Variants in YWHAZ observed in about 807,000 individuals in gnomAD.
YWHAZ encodes tyrosine 3-monooxygenase/tryptophan 5-monooxygenase activation protein zeta.
For synonymous variants in YWHAZ, 87 were observed against 103.6 expected (o/e 0.84, Z 0.97); for missense variants, 79 against 284.8 (o/e 0.28, Z 5.20).
At chr8:100,928,677 G>A (rs112538120) in intron 2 of YWHAZ, among the ~76,000 whole-genome samples, 13 of 151,792 alleles carry the variant, frequency 8.6e-5, no homozygotes, top group Non-Finnish European at 1.6e-4. Flanking sequence ...AGGTTGCAGT[G>A]AGCTGAGATT....
intron 2 of YWHAZ, among the ~76,000 whole-genome samples, chr8:100,946,469 T>G (rs1036605503): frequency 2.0e-5 from 3 of 152,146 alleles, no homozygotes; most frequent in Non-Finnish European, 4.4e-5. Flanking sequence ...AAGAATTGCT[T>G]GAACACGGGA....
Position 100,917,433 on chromosome 8 carries a change from T to A in YWHAZ, c.*3260A>T, listed in dbSNP as rs977369061. 1.3e-5 allele frequency: 2 copies of A among 151,884 alleles called. No individual in the cohort carries two copies. Among genetic ancestry groups the A allele is most frequent in the Non-Finnish European group, 2.9e-5 (2 of 67,940 alleles). The allele number at this position is 151,884 out of a possible 1,614,324, so 9.4% of individuals were successfully genotyped here. ...TTAAGTGGCCAATTTAAAAAAAACA[T>A]ACCAGGGTGGGCACAGTGGCTCACG... On this transcript the variant is annotated 3_prime_UTR_variant, in exon 6 of 6. Coordinates refer to ENST00000395958, the MANE Select transcript of YWHAZ (RefSeq NM_145690.3).
chr8:100,927,777 G>A (rs1438677224), intron 2 of YWHAZ, among the ~76,000 whole-genome samples: 1 of 152,232 alleles, frequency 6.6e-6, no homozygotes, highest in Non-Finnish European at 1.5e-5. Flanking sequence ...GAACTAAGCA[G>A]TTCCCTGGGA....
chr8:100,920,796 G>A (rs371130330), intron 5 of YWHAZ, 44 bp from the exon 6 acceptor site: 1 of 537,902 alleles, frequency 1.9e-6, no homozygotes, highest in Non-Finnish European at 2.5e-6. Context: ...TCAGTGGGAT[G>A]GGGGGGGGGG....
Position 100,924,343 on chromosome 8 carries a change from T to G in YWHAZ, c.419-45A>C. The G allele has an allele frequency of 1.9e-6, 3 of 1,576,464 alleles. No homozygotes were observed. The highest frequency in any genetic ancestry group is 2.6e-6 in the Non-Finnish European group (3 of 1,164,812). On this transcript the variant is annotated intron_variant, in intron 3 of 5. Transcript: ENST00000395958. This position sits in a 1 kb window ranked among gnomAD's most constrained non-coding sequence, Gnocchi z 5.7. The stretch of plus-strand genomic sequence containing the variant: ...ACGTACTGAGATAAAGTGTGCATTA[T>G]ATCTTCACCCCTCAAACCAAACCTT...
At chr8:100,925,705 A>G (rs1230381864) in intron 2 of YWHAZ, among the ~76,000 whole-genome samples, 2 of 152,204 alleles carry the variant, frequency 1.3e-5, no homozygotes, top group African/African-American at 4.8e-5. Context: ...ATCCCAGACA[A>G]CAGATAAAAT....
chr8:100,924,990 T>G lies in YWHAZ; in HGVS notation c.344A>C (p.Lys115Thr), dbSNP rs766022606. 2 of 1,614,008 alleles carry G rather than the reference T, an allele frequency of 1.2e-6. No individual in the cohort carries two copies. Among genetic ancestry groups the G allele is most frequent in the South Asian group, 2.2e-5 (2 of 91,082 alleles). ...TCCTTTCATTTTCAAATAGAAGACT[T>G]TGCTCTCTGCTTGTGAAGCATTGGG... Reference protein sequence around the residue: ...LIPNASQAESKVFYLKMKGDY... With the variant: ...LIPNASQAESTVFYLKMKGDY... The change falls in exon 3 of 6, where the codon AAA (lysine) becomes ACA (threonine). Residue 115 changes from lysine to threonine, a missense_variant. Lys to Thr is a moderately conservative substitution (Grantham distance 78). Transcript: ENST00000395958. This position sits in a 1 kb window ranked among gnomAD's most constrained non-coding sequence, Gnocchi z 5.7.
intron 2 of YWHAZ, among the ~76,000 whole-genome samples, chr8:100,939,527 T>C (rs1057159911): frequency 3.3e-5 from 5 of 151,158 alleles, no homozygotes; most frequent in African/African-American, 4.9e-5. Flanking sequence ...GGCGTGGTGG[T>C]GCATGCCTGT....
rs1196920557 is a variant in YWHAZ at position 100,917,893 on chromosome 8, T to C, written c.*2800A>G. 1 of 152,194 alleles carries C rather than the reference T, an allele frequency of 6.6e-6. No homozygotes were observed. Among genetic ancestry groups the C allele is most frequent in the African/African-American group, 2.4e-5 (1 of 41,448 alleles). The allele number at this position is 152,194 out of a possible 1,614,324, so 9.4% of individuals were successfully genotyped here. On this transcript the variant is annotated 3_prime_UTR_variant, in exon 6 of 6. Transcript: ENST00000395958. ...AATTCCAAAACAAAGAATCTCAGGTTGGAAATTTTCCTTAATCTATTGGGA... is the reference window on the plus strand; with the variant it reads ...AATTCCAAAACAAAGAATCTCAGGTCGGAAATTTTCCTTAATCTATTGGGA...
rs531492100 is a variant in YWHAZ, at chr8:100,922,120, T to A, written c.679-1368A>T. On this transcript the variant is annotated intron_variant, in intron 5 of 5. Transcript: ENST00000395958. The surrounding 1 kb of genome is among the most constrained non-coding windows in gnomAD (Gnocchi z 4.1). ...AATTGCAAGATGAAATTGTTTCTAA[T>A]GTCTCTTTCCTGTTCTAACTTTCAA... Among the ~76,000 whole-genome samples the A allele has an allele frequency of 2.0e-5, 3 of 152,372 alleles. No individual in the cohort carries two copies. The highest frequency in any genetic ancestry group is 7.2e-5 in the African/African-American group (3 of 41,594).
chr8:100,917,473 A>T lies in YWHAZ; in HGVS notation c.*3220T>A, dbSNP rs1443934805. Reference sequence around the variant, plus strand: ...AGTGGCTCACGCCTGTAATCCCAGCACTTTGGGAGGCCGAGGTGGGCGGAT... The same window carrying T: ...AGTGGCTCACGCCTGTAATCCCAGCTCTTTGGGAGGCCGAGGTGGGCGGAT... On this transcript the variant is annotated 3_prime_UTR_variant, in exon 6 of 6. Coordinates refer to ENST00000395958, the MANE Select transcript of YWHAZ (RefSeq NM_145690.3). The T allele has an allele frequency of 6.6e-6, 1 of 152,334 alleles. No individual in the cohort carries two copies. The highest frequency in any genetic ancestry group is 1.5e-5 in the Non-Finnish European group (1 of 68,120). 9.4% of individuals were successfully genotyped at this position (152,334 alleles called of 1,614,324 possible).
At chr8:100,927,495 C>G (rs1813445485) in intron 2 of YWHAZ, among the ~76,000 whole-genome samples, 1 of 152,184 alleles carries the variant, frequency 6.6e-6, no homozygotes, top group South Asian at 2.1e-4. Context: ...TACCACTGTA[C>G]TCTAGGACAG....
rs180853408 is a variant in YWHAZ at position 100,922,142 on chromosome 8, T to C, written c.679-1390A>G. Among the ~76,000 whole-genome samples, 123 of 152,346 alleles carry C rather than the reference T, an allele frequency of 8.1e-4. No individual in the cohort carries two copies. Among genetic ancestry groups the C allele is most frequent in the Admixed American group, 3.1e-3 (48 of 15,300 alleles). On this transcript the variant is annotated intron_variant, in intron 5 of 5. Coordinates refer to ENST00000395958, the MANE Select transcript of YWHAZ (RefSeq NM_145690.3). The surrounding 1 kb of genome is among the most constrained non-coding windows in gnomAD (Gnocchi z 4.1). ...TAATGTCTCTTTCCTGTTCTAACTT[T>C]CAAGGATTCTTGAATTTTCTGTATA... is the stretch of plus-strand genomic sequence containing the variant.
rs770838619 is a variant in YWHAZ, at chr8:100,948,819, G to C, written c.71C>G (p.Ala24Gly). Residue 24 changes from alanine to glycine, a missense_variant, in exon 2 of 6, where the codon GCC (alanine) becomes GGC (glycine). Physicochemically the swap from Ala to Gly is moderately conservative, Grantham distance 60. Coordinates refer to ENST00000395958, the MANE Select transcript of YWHAZ (RefSeq NM_145690.3). The surrounding 1 kb of genome is among the most constrained non-coding windows in gnomAD (Gnocchi z 4.2). ...EQAERYDDMAACMKSVTEQGA... is the reference protein window; with the variant it reads ...EQAERYDDMAGCMKSVTEQGA... ...TTGCTCAGTTACAGACTTCATGCAG[G>C]CTGCCATGTCATCATATCGCTCAGC... The C allele has an allele frequency of 2.5e-6, 4 of 1,599,292 alleles. No homozygotes were observed. The highest frequency in any genetic ancestry group is 3.4e-6 in the Non-Finnish European group (4 of 1,179,896).
At chr8:100,943,225 G>C (rs1156756236) in intron 2 of YWHAZ, among the ~76,000 whole-genome samples, 1 of 152,176 alleles carries the variant, frequency 6.6e-6, no homozygotes, top group East Asian at 1.9e-4. Flanking sequence ...CTAAAACCTT[G>C]AGCGGTGTTT....
At chr8:100,921,266 T>C (rs549315886) in intron 5 of YWHAZ, among the ~76,000 whole-genome samples, 52 of 152,160 alleles carry the variant, frequency 3.4e-4, no homozygotes, top group Non-Finnish European at 6.3e-4. Flanking sequence ...TCTGATCTCG[T>C]GATCCACCCA....
Position 100,924,426 on chromosome 8 carries a change from G to T in YWHAZ, c.419-128C>A. On this transcript the variant is annotated intron_variant, in intron 3 of 5. Transcript: ENST00000395958. This position sits in a 1 kb window ranked among gnomAD's most constrained non-coding sequence, Gnocchi z 5.7. The stretch of plus-strand genomic sequence containing the variant: ...TGTAACAGCTTAATATTTGTTAATT[G>T]AACAAGGTCCTTTTTTTTTTTTAAA... The T allele has an allele frequency of 3.2e-6, 3 of 937,460 alleles. No homozygotes were observed. The highest frequency in any genetic ancestry group is 2.7e-5 in the East Asian group (1 of 36,946). 58.1% of individuals were successfully genotyped at this position (937,460 alleles called of 1,614,324 possible). A position where few individuals can be genotyped will look rare whatever the true frequency, so the allele number is the denominator to read the frequency against.
At chr8:100,935,020 GCA>G (rs753876944) in intron 2 of YWHAZ, 21 of 152,194 alleles carry the variant, frequency 1.4e-4, no homozygotes, top group Admixed American at 6.5e-4. Flanking sequence ...GGATGTGGTG[GCA>G]CACGACTGTA....
chr8:100,917,884 A>G lies in YWHAZ; in HGVS notation c.*2809T>C, dbSNP rs544890402. The G allele has an allele frequency of 6.6e-6, 1 of 152,272 alleles. No homozygotes were observed. Among genetic ancestry groups the G allele is most frequent in the South Asian group, 2.1e-4 (1 of 4,834 alleles). The allele number at this position is 152,272 out of a possible 1,614,324, so 9.4% of individuals were successfully genotyped here. ...CATTATTCAAATTCCAAAACAAAGAATCTCAGGTTGGAAATTTTCCTTAAT... is the reference window on the plus strand; with the variant it reads ...CATTATTCAAATTCCAAAACAAAGAGTCTCAGGTTGGAAATTTTCCTTAAT... On this transcript the variant is annotated 3_prime_UTR_variant, in exon 6 of 6. Coordinates refer to ENST00000395958, the MANE Select transcript of YWHAZ (RefSeq NM_145690.3).
Sources: allele counts gnomAD v4.1 joint callset (sites outside exome capture counted in the v4.1 genomes callset), GRCh38; gene constraint gnomAD v4.1.1; non-coding constraint Gnocchi (gnomAD v3.1); transcripts MANE v1.5; gene names NCBI Gene and HGNC (gene_info 2026-07-23, HGNC 2026-07-21).